MMP26: variants seen among roughly 807,000 people sequenced by gnomAD.
MMP26 encodes matrix metallopeptidase 26.
In MMP26, 33 loss-of-function variants were observed where a neutral mutation model predicts 31.0. That is an observed-to-expected ratio of 1.06 (90% CI 0.81 to 1.42). The LOEUF (loss-of-function observed/expected upper bound fraction) is 1.42. Ranked by LOEUF, MMP26 falls within the 40% of genes most tolerant of loss-of-function variation. The probability of loss-of-function intolerance (pLI) is 0.00; values close to 1 mark genes in which losing one functional copy is unlikely to be tolerated. For synonymous variants in MMP26, 122 were observed against 114.9 expected (o/e 1.06, Z -0.40); for missense variants, 347 against 316.1 (o/e 1.10, Z -0.74).
chr11:4,926,213 C>T (rs536832308), intron 2 of MMP26, among the ~76,000 whole-genome samples: 2 of 150,558 alleles, frequency 1.3e-5, no homozygotes, highest in South Asian at 4.2e-4. Context: ...TTTATGATTT[C>T]AAATGAGAAG....
rs1285972365 is a variant in MMP26, at chr11:4,934,334, G to C, written c.-144-53734G>C. On this transcript the variant is annotated intron_variant, in intron 2 of 7. Transcript: ENST00000380390. ...TTTCTCTGATGGCCAGTGATGATGA[G>C]CATTTTTTCATGTGTTTTTTGGCTG... 3.0e-3 allele frequency among the ~76,000 whole-genome samples: 427 copies of C among 144,012 alleles called. 6 individuals carry two copies. Among genetic ancestry groups the C allele is most frequent in the Middle Eastern group, 7.0e-3 (2 of 286 alleles). 94.5% of individuals were successfully genotyped at this position (144,012 alleles called of 152,430 possible).
intron 1 of MMP26, among the ~76,000 whole-genome samples, chr11:4,744,478 A>G (rs1848354169): frequency 6.6e-6 from 1 of 151,952 alleles, no homozygotes; most frequent in Non-Finnish European, 1.5e-5. Flanking sequence ...TTAATGCATG[A>G]CCATTGTCTC....
At chr11:4,816,865 G>A (rs992420929) in intron 2 of MMP26, among the ~76,000 whole-genome samples, 1 of 94,958 alleles carries the variant, frequency 1.1e-5, no homozygotes, top group Non-Finnish European at 2.4e-5. Flanking sequence ...CACCACGCCC[G>A]GCTAATTTTT....
intron 2 of MMP26, among the ~76,000 whole-genome samples, chr11:4,813,026 T>C (rs1327496182): frequency 1.3e-5 from 2 of 151,726 alleles, no homozygotes; most frequent in Non-Finnish European, 1.5e-5. Flanking sequence ...TATATATATA[T>C]ATATATGGGA....
At chr11:4,835,673 G>A (rs767535650) in intron 2 of MMP26, among the ~76,000 whole-genome samples, 1 of 152,136 alleles carries the variant, frequency 6.6e-6, no homozygotes, top group Non-Finnish European at 1.5e-5. Context: ...AGCCAGAGGA[G>A]TTGGGTTTCA....
chr11:4,845,945 G>T (rs1218540440), intron 2 of MMP26, among the ~76,000 whole-genome samples: 3 of 152,032 alleles, frequency 2.0e-5, no homozygotes, highest in African/African-American at 7.2e-5. Context: ...AGACAATGCT[G>T]CCAAGGTGGG....
intron 2 of MMP26, among the ~76,000 whole-genome samples, chr11:4,784,678 C>T (rs1447932204): frequency 6.6e-6 from 1 of 152,094 alleles, no homozygotes. Context: ...CTCTTGACAC[C>T]TTGATTTTGG....
chr11:4,991,987 A>T lies in MMP26; in HGVS notation c.619A>T (p.Thr207Ser). 1 of 1,606,606 alleles carries T rather than the reference A, an allele frequency of 6.2e-7. No homozygotes were observed. Among genetic ancestry groups the T allele is most frequent in the Non-Finnish European group, 8.5e-7 (1 of 1,178,184 alleles). ...DTGYNLFLVA[T>S]HEIGHSLGLQ... Reference sequence around the variant, plus strand: ...AGGATATAATCTGTTCCTGGTTGCAACTCATGAGATTGGGCATTCTTTGGG... The same window carrying T: ...AGGATATAATCTGTTCCTGGTTGCATCTCATGAGATTGGGCATTCTTTGGG... The change falls in exon 7 of 8, where the codon ACT (threonine) becomes TCT (serine). Residue 207 changes from threonine (T) to serine (S), a missense_variant. Physicochemically the swap from Thr to Ser is moderately conservative, Grantham distance 58. Transcript: ENST00000380390.
chr11:4,758,564 C>A (rs1161924776), intron 1 of MMP26, among the ~76,000 whole-genome samples: 1 of 150,250 alleles, frequency 6.7e-6, no homozygotes, highest in Non-Finnish European at 1.5e-5. Context: ...CAAAAAGCCA[C>A]ATACAGTTTA....
chr11:4,820,385 T>A (rs1236521743), intron 2 of MMP26, among the ~76,000 whole-genome samples: 1 of 152,154 alleles, frequency 6.6e-6, no homozygotes, highest in Non-Finnish European at 1.5e-5. Flanking sequence ...CAAGAAATGC[T>A]GGCTATTGTG....
rs767374514 is a variant in MMP26 at position 4,792,613 on chromosome 11, A to G, written c.-145+25272A>G. Among the ~76,000 whole-genome samples the G allele has an allele frequency of 7.2e-5, 11 of 152,320 alleles. No homozygotes were observed. The Middle Eastern group carries it at 0.01, about 141-fold the overall frequency. On this transcript the variant is annotated intron_variant, in intron 2 of 7. Coordinates refer to ENST00000380390, the MANE Select transcript of MMP26 (RefSeq NM_021801.5). Reference sequence around the variant, plus strand: ...CACACACCCCTCAGTAGAATGCACTACTTATCAATAGTACTTGGGTCATTA... The same window carrying G: ...CACACACCCCTCAGTAGAATGCACTGCTTATCAATAGTACTTGGGTCATTA...
intron 2 of MMP26, among the ~76,000 whole-genome samples, chr11:4,920,045 G>A (rs1332531144): frequency 6.6e-6 from 1 of 152,136 alleles, no homozygotes; most frequent in Non-Finnish European, 1.5e-5. Flanking sequence ...GATTACAAGG[G>A]TATGAAGAGT....
intron 2 of MMP26, chr11:4,822,212 A>G: frequency 6.3e-7 from 1 of 1,591,294 alleles, no homozygotes; most frequent in African/African-American, 1.3e-5. Context: ...TCTCTTGTCC[A>G]TCGCTATGGC....
intron 2 of MMP26, chr11:4,769,376 C>A (rs1351483171): frequency 2.5e-6 from 4 of 1,613,804 alleles, no homozygotes; most frequent in South Asian, 1.1e-5. Context: ...TGGATGGTAA[C>A]AATAGGAGTG....
chr11:4,882,449 C>T (rs1353111375), intron 2 of MMP26: 1 of 1,613,740 alleles, frequency 6.2e-7, no homozygotes, highest in Non-Finnish European at 8.5e-7. Flanking sequence ...TTGCTACCAC[C>T]CAGAAGTGAT....
At chr11:4,745,962 C>T (rs1470022663) in intron 1 of MMP26, among the ~76,000 whole-genome samples, 1 of 152,006 alleles carries the variant, frequency 6.6e-6, no homozygotes, top group Non-Finnish European at 1.5e-5. Context: ...AATAATATTC[C>T]CTGGTAGAGA....
At position 4,947,772 on chromosome 11, in the gene MMP26, A is replaced by T. The variant is rs769679967; in HGVS notation, c.-144-40296A>T. Among the ~76,000 whole-genome samples the T allele has an allele frequency of 1.9e-4, 24 of 125,470 alleles. 7 individuals carry two copies. The highest frequency in any genetic ancestry group is 2.9e-4 in the Non-Finnish European group (16 of 55,362). The allele number at this position is 125,470 out of a possible 152,430, so 82.3% of individuals were successfully genotyped here. The stretch of plus-strand genomic sequence containing the variant: ...AGAATAAACATTTGCAGATGCAGTA[A>T]ATCTACAGAGATGGTTGATACCAAG... On this transcript the variant is annotated intron_variant, in intron 2 of 7. Transcript: ENST00000380390.
At chr11:4,846,767 C>G (rs1182682175) in intron 2 of MMP26, among the ~76,000 whole-genome samples, 3 of 152,194 alleles carry the variant, frequency 2.0e-5, no homozygotes, top group Non-Finnish European at 4.4e-5. Flanking sequence ...CCTCATAACA[C>G]ACATGTGATT....
intron 1 of MMP26, among the ~76,000 whole-genome samples, chr11:4,716,650 C>CTTTTTTTTTTTTTTTTTTTTTTT (rs71050424): frequency 1.5e-5 from 1 of 65,004 alleles, no homozygotes; most frequent in Non-Finnish European, 2.6e-5. Context: ...TCTCTTACCT[C>CTTTTTTTTTTTTTTTTTTTTTTT]TTTTTTTTTT....
Sources: gnomAD v4.1 joint callset for allele counts (sites outside exome capture counted in the v4.1 genomes callset) on GRCh38, gnomAD v4.1.1 for gene constraint, MANE v1.5 for transcripts, NCBI Gene and HGNC (gene_info 2026-07-23, HGNC 2026-07-21) for gene names.